The following SLC9C2 variants were observed in gnomAD, a reference collection of about 807,000 sequenced individuals.
The protein encoded by SLC9C2 is sodium/hydrogen exchanger 11.
Under a neutral mutation model 140.2 loss-of-function variants are expected in SLC9C2, and 75 were observed. The observed-to-expected ratio is 0.53, with a 90% CI of 0.44 to 0.65. SLC9C2 has a LOEUF of 0.65. Among genes scored for constraint, SLC9C2 ranks in the 30% least tolerant of loss-of-function variants. The pLI, the probability that SLC9C2 is intolerant of heterozygous loss-of-function variation, is 0.00. For missense variants in SLC9C2, 1,074 were observed against 1,331.8 expected (o/e 0.81, Z 3.01); for synonymous variants, 375 against 420.9 (o/e 0.89, Z 1.34).
intron 23 of SLC9C2, among the ~76,000 whole-genome samples, chr1:173,516,315 C>T (rs929964090): frequency 8.5e-5 from 13 of 152,162 alleles, no homozygotes; most frequent in African/African-American, 3.1e-4. Flanking sequence ...AACAAGTATT[C>T]CTTTTTTAAG....
At chr1:173,587,304 T>A (rs1158763738) in intron 5 of SLC9C2, among the ~76,000 whole-genome samples, 3 of 152,232 alleles carry the variant, frequency 2.0e-5, no homozygotes, top group Non-Finnish European at 4.4e-5. Context: ...GGATCTTTAA[T>A]GTTTCCCCTT....
intron 17 of SLC9C2, among the ~76,000 whole-genome samples, chr1:173,531,770 C>G (rs1244765512): frequency 6.6e-6 from 1 of 152,206 alleles, no homozygotes; most frequent in Non-Finnish European, 1.5e-5. Context: ...CACAATAATA[C>G]ACTTTTAAAT....
chr1:173,517,890 G>T (rs1660528849), intron 22 of SLC9C2, among the ~76,000 whole-genome samples, 186 bp from the exon 23 acceptor site: 1 of 152,102 alleles, frequency 6.6e-6, no homozygotes, highest in Admixed American at 6.5e-5. Flanking sequence ...ACTCCCCAAG[G>T]CAAGGATTTT....
intron 23 of SLC9C2, 129 bp from the exon 24 acceptor site, chr1:173,509,828 T>C: frequency 3.3e-6 from 3 of 915,750 alleles, no homozygotes; most frequent in South Asian, 1.7e-5. Context: ...ATGATACTCT[T>C]GTCATTTAGA....
intron 4 of SLC9C2, chr1:173,596,746 A>T (rs1666473120): frequency 6.6e-6 from 1 of 152,138 alleles, no homozygotes; most frequent in Non-Finnish European, 1.5e-5. Context: ...AAACAAAAGG[A>T]TGGAAAAATT....
intron 8 of SLC9C2, 90 bp from the exon 9 acceptor site, chr1:173,573,415 C>T (rs979155997): frequency 2.5e-5 from 24 of 971,442 alleles, no homozygotes; most frequent in Non-Finnish European, 3.2e-5. Flanking sequence ...CTTATATCTA[C>T]CATGCTGTCT....
At chr1:173,567,080 A>G (rs1374729633) in intron 9 of SLC9C2, among the ~76,000 whole-genome samples, 1 of 152,078 alleles carries the variant, frequency 6.6e-6, no homozygotes, top group South Asian at 2.1e-4. Flanking sequence ...TTGTTTTATG[A>G]TCTAACATAT....
intron 23 of SLC9C2, 55 bp downstream of exon 23, chr1:173,517,482 A>AT: frequency 6.8e-7 from 1 of 1,472,832 alleles, no homozygotes. Flanking sequence ...AGATGCTGGT[A>AT]TTTTTTATTT....
chr1:173,531,493 G>GC (rs1363564918), intron 17 of SLC9C2, among the ~76,000 whole-genome samples: 1 of 152,176 alleles, frequency 6.6e-6, no homozygotes, highest in African/African-American at 2.4e-5. Flanking sequence ...CCAGACTCCT[G>GC]CAAGTTAGCT....
At chr1:173,600,372 T>C (rs577642552) in intron 2 of SLC9C2, among the ~76,000 whole-genome samples, 155 bp from the exon 3 acceptor site, 8 of 151,576 alleles carry the variant, frequency 5.3e-5, no homozygotes, top group South Asian at 2.1e-4. Context: ...GCAAAAGTGA[T>C]ACACATTTGG....
chr1:173,539,695 G>C (rs1391270645), intron 13 of SLC9C2, among the ~76,000 whole-genome samples: 1 of 152,166 alleles, frequency 6.6e-6, no homozygotes, highest in Non-Finnish European at 1.5e-5. Flanking sequence ...ACAGTGGACA[G>C]AGTTAATTGT....
chr1:173,504,568 T>C (rs751922759), intron 26 of SLC9C2, among the ~76,000 whole-genome samples: 6 of 152,164 alleles, frequency 3.9e-5, no homozygotes, highest in Non-Finnish European at 7.4e-5. Context: ...AAGTTAGAGT[T>C]ACAAAGCTAG....
chr1:173,539,970 G>A (rs138003574), intron 13 of SLC9C2, among the ~76,000 whole-genome samples: 3 of 152,254 alleles, frequency 2.0e-5, no homozygotes, highest in East Asian at 1.9e-4. Context: ...CCATTAAGAG[G>A]TGTAATCTAC....
At chr1:173,593,878 A>G (rs1303145440) in intron 4 of SLC9C2, among the ~76,000 whole-genome samples, 1 of 152,208 alleles carries the variant, frequency 6.6e-6, no homozygotes, top group Non-Finnish European at 1.5e-5. Flanking sequence ...TTCATAAAGC[A>G]AGTTCTTAGA....
intron 3 of SLC9C2, among the ~76,000 whole-genome samples, chr1:173,598,908 TAAA>T (rs1666597648): frequency 6.6e-6 from 1 of 152,180 alleles, no homozygotes; most frequent in Non-Finnish European, 1.5e-5. Context: ...TTTTCAAAAA[TAAA>T]GGAATGAGTG....
At position 173,530,936 on chromosome 1, in the gene SLC9C2, T is replaced by C. The variant is rs532307041; in HGVS notation, c.2164-882A>G. ...AAGCTGCTATTTTGCCTTTGAAATT[T>C]TGGACAAAGGGAGAGATGTTTAAAG... On this transcript the variant is annotated intron_variant, in intron 17 of 27. Coordinates refer to ENST00000367714, the MANE Select transcript of SLC9C2 (RefSeq NM_178527.4). Among the ~76,000 whole-genome samples the C allele has an allele frequency of 5.9e-5, 9 of 152,252 alleles. No homozygotes were observed. The South Asian group carries it at 1.2e-3, about 21-fold the overall frequency.
At chr1:173,578,079 T>C (rs1341349996) in intron 7 of SLC9C2, among the ~76,000 whole-genome samples, 2 of 152,232 alleles carry the variant, frequency 1.3e-5, no homozygotes, top group East Asian at 1.9e-4. Context: ...AAAACAATTA[T>C]AAAGATGACA....
chr1:173,596,260 A>G (rs1036622206), intron 4 of SLC9C2, among the ~76,000 whole-genome samples: 6 of 152,230 alleles, frequency 3.9e-5, no homozygotes, highest in African/African-American at 1.2e-4. Flanking sequence ...TTTTGTAAAC[A>G]TAAGTTTTCA....
chr1:173,527,646 A>C lies in SLC9C2; in HGVS notation c.2314-932T>G, dbSNP rs1197415203. On this transcript the variant is annotated intron_variant, in intron 18 of 27. Coordinates refer to ENST00000367714, the MANE Select transcript of SLC9C2 (RefSeq NM_178527.4). ...ACCCTCCAGCTTTGAGTCACTGGGG[A>C]GTTTGCACTTGGCTACACCAACAGT... is the stretch of plus-strand genomic sequence containing the variant. 2.0e-5 allele frequency among the ~76,000 whole-genome samples: 3 copies of C among 152,030 alleles called. No homozygotes were observed. The East Asian group carries it at 5.8e-4, about 29-fold the overall frequency.
Sources: gnomAD v4.1 joint callset for allele counts (sites outside exome capture counted in the v4.1 genomes callset) on GRCh38, gnomAD v4.1.1 for gene constraint, MANE v1.5 for transcripts, NCBI Gene and HGNC (gene_info 2026-07-23, HGNC 2026-07-21) for gene names.